The following ADCY2 variants were observed in gnomAD, a reference collection of about 807,000 sequenced individuals.
ADCY2 encodes adenylate cyclase type 2.
Under a neutral mutation model 125.2 loss-of-function variants are expected in ADCY2, and 31 were observed. The ratio of observed to expected loss-of-function variants is 0.25; its 90% CI spans 0.19 to 0.33. The LOEUF is 0.33. ADCY2 is among the 10% of genes least tolerant of loss of function. The pLI is 1.00. For synonymous variants in ADCY2, 512 were observed against 548.4 expected, an observed-to-expected ratio of 0.93 and a Z score of 0.93; for missense variants, 904 against 1,418.2, an observed-to-expected ratio of 0.64 and a Z score of 5.82.
intron 3 of ADCY2, among the ~76,000 whole-genome samples, chr5:7,528,736 A>G (rs1260730322): frequency 6.6e-6 from 1 of 152,220 alleles, no homozygotes; most frequent in Admixed American, 6.5e-5. Context: ...TTCACTTGGC[A>G]TCTTGGCAGT....
intron 2 of ADCY2, among the ~76,000 whole-genome samples, chr5:7,487,985 G>A (rs900902706): frequency 6.6e-6 from 1 of 152,036 alleles, no homozygotes; most frequent in African/African-American, 2.4e-5. Flanking sequence ...TTAATGTTTG[G>A]ATTCCTACTG....
intron 3 of ADCY2, among the ~76,000 whole-genome samples, chr5:7,546,162 G>T (rs537098977): frequency 1.3e-5 from 2 of 152,254 alleles, no homozygotes; most frequent in African/African-American, 4.8e-5. Flanking sequence ...ATGTTTTCTT[G>T]TGCGGATTCC....
chr5:7,446,540 A>C (rs578193256), intron 2 of ADCY2, among the ~76,000 whole-genome samples: 41 of 124,706 alleles, frequency 3.3e-4, no homozygotes, highest in Non-Finnish European at 5.8e-4. Flanking sequence ...TGAAATAAAT[A>C]CATACATACA....
At chr5:7,660,617 A>T (rs1315398036) in intron 4 of ADCY2, among the ~76,000 whole-genome samples, 1 of 152,220 alleles carries the variant, frequency 6.6e-6, no homozygotes, top group East Asian at 1.9e-4. Context: ...AAGGCTGGAG[A>T]CATAGGTAGA....
At chr5:7,598,135 T>C (rs1370202815) in intron 3 of ADCY2, among the ~76,000 whole-genome samples, 2 of 152,218 alleles carry the variant, frequency 1.3e-5, no homozygotes, top group African/African-American at 4.8e-5. Flanking sequence ...CAGCTTGGGC[T>C]GGACTGGGAG....
intron 8 of ADCY2, 94 bp from the exon 9 acceptor site, chr5:7,707,612 T>A: frequency 6.8e-7 from 1 of 1,463,158 alleles, no homozygotes; most frequent in Non-Finnish European, 9.3e-7. Flanking sequence ...AGAACTTTAG[T>A]GGATAAATTA....
intron 2 of ADCY2, among the ~76,000 whole-genome samples, chr5:7,482,072 T>A (rs1742751809): frequency 6.6e-6 from 1 of 152,112 alleles, no homozygotes; most frequent in African/African-American, 2.4e-5. Context: ...CTATGTGTAT[T>A]TTCCCTCCTG....
intron 5 of ADCY2, among the ~76,000 whole-genome samples, chr5:7,693,445 G>T (rs1382355368): frequency 2.4e-5 from 2 of 84,818 alleles, no homozygotes; most frequent in Non-Finnish European, 6.4e-5. Flanking sequence ...TTGAGACGGA[G>T]TCTCACTCTG....
chr5:7,735,514 G>T (rs567522653), intron 14 of ADCY2, among the ~76,000 whole-genome samples: 14 of 152,224 alleles, frequency 9.2e-5, no homozygotes, highest in African/African-American at 2.4e-4. Flanking sequence ...TTAATAGTTT[G>T]TTGAGTTTTT....
At chr5:7,792,573 G>A (rs1296488352) in intron 20 of ADCY2, among the ~76,000 whole-genome samples, 1 of 125,072 alleles carries the variant, frequency 8.0e-6, no homozygotes, top group Non-Finnish European at 1.5e-5. Flanking sequence ...CCTGTCTCAT[G>A]TCCTGACAGC....
intron 3 of ADCY2, among the ~76,000 whole-genome samples, chr5:7,599,247 G>A (rs781089438): frequency 2.6e-5 from 4 of 152,170 alleles, no homozygotes; most frequent in Non-Finnish European, 5.9e-5. Flanking sequence ...GGCAGTACGA[G>A]TTTTTTTGTG....
rs534819641 is a variant in ADCY2 at position 7,709,902 on chromosome 5, G to A, written c.1578+515G>A. Among the ~76,000 whole-genome samples, 4 of 152,208 alleles carry A rather than the reference G, an allele frequency of 2.6e-5. No homozygotes were observed. Among genetic ancestry groups the A allele is most frequent in the Admixed American group, 2.0e-4 (3 of 15,296 alleles). On this transcript the variant is annotated intron_variant, in intron 10 of 24. Coordinates refer to ENST00000338316, the MANE Select transcript of ADCY2 (RefSeq NM_020546.3). The surrounding 1 kb of genome is among the most constrained non-coding windows in gnomAD (Gnocchi z 4.4). ...AGCTCCTTACACCAGGGACATCTGC[G>A]ATAAGATGGCTGCAATGGAGAAGGA...
chr5:7,609,634 A>G (rs1279451521), intron 3 of ADCY2, among the ~76,000 whole-genome samples: 1 of 152,236 alleles, frequency 6.6e-6, no homozygotes, highest in Non-Finnish European at 1.5e-5. Flanking sequence ...TTGACCCTCA[A>G]GGAACATAGA....
intron 2 of ADCY2, among the ~76,000 whole-genome samples, chr5:7,422,400 T>C (rs1002904446): frequency 7.2e-5 from 11 of 152,188 alleles, no homozygotes; most frequent in African/African-American, 2.6e-4. Flanking sequence ...ATTACTGACT[T>C]AGGACCCTCC....
chr5:7,687,943 G>T (rs1210344354), intron 4 of ADCY2, among the ~76,000 whole-genome samples: 1 of 152,152 alleles, frequency 6.6e-6, no homozygotes, highest in African/African-American at 2.4e-5. Context: ...ATTTCATCTT[G>T]TCTCAGCCTT....
chr5:7,635,746 AG>A (rs1738477783), intron 4 of ADCY2, among the ~76,000 whole-genome samples: 1 of 152,206 alleles, frequency 6.6e-6, no homozygotes, highest in East Asian at 1.9e-4. Flanking sequence ...CAAACCTCAA[AG>A]CACACTAACA....
Position 7,709,011 on chromosome 5 carries a change from A to G in ADCY2, c.1402-200A>G, listed in dbSNP as rs550466484. ...TTTTTTCTAAGTCTCAATTACATGTATGTTTTGCTAGCTGAAAAAAGATTC... is the reference window on the plus strand; with the variant it reads ...TTTTTTCTAAGTCTCAATTACATGTGTGTTTTGCTAGCTGAAAAAAGATTC... On this transcript the variant is annotated intron_variant, in intron 9 of 24. Coordinates refer to ENST00000338316, the MANE Select transcript of ADCY2 (RefSeq NM_020546.3). This position sits in a 1 kb window ranked among gnomAD's most constrained non-coding sequence, Gnocchi z 4.4. Among the ~76,000 whole-genome samples the G allele has an allele frequency of 6.6e-6, 1 of 152,296 alleles. No homozygotes were observed. Among genetic ancestry groups the G allele is most frequent in the South Asian group, 2.1e-4 (1 of 4,820 alleles).
rs766340833 is a variant in ADCY2 at position 7,766,624 on chromosome 5, C to A, written c.2095-63C>A. ...GAACACAGAATTCATAAAGTTAGCA[C>A]CCACCTGCTAGTTATTTAATCTAAT... is the stretch of plus-strand genomic sequence containing the variant. On this transcript the variant is annotated intron_variant, in intron 16 of 24. Coordinates refer to ENST00000338316, the MANE Select transcript of ADCY2 (RefSeq NM_020546.3). The A allele has an allele frequency of 1.7e-5, 27 of 1,561,278 alleles. No homozygotes were observed. The Admixed American group carries it at 4.0e-4, about 23-fold the overall frequency.
rs73046389 is a variant in ADCY2, at chr5:7,538,507, T to C, written c.570+17608T>C. 3.1e-3 allele frequency among the ~76,000 whole-genome samples: 473 copies of C among 152,276 alleles called. 4 individuals carry two copies. The highest frequency in any genetic ancestry group is 0.01 in the African/African-American group (435 of 41,558). ...TCTCTGGCTTATTTTTTGTTTATTT[T>C]TCAGTAACACACACATTATCAGCCT... On this transcript the variant is annotated intron_variant, in intron 3 of 24. Transcript: ENST00000338316.
Sources: gnomAD v4.1 joint callset for allele counts (sites outside exome capture counted in the v4.1 genomes callset) on GRCh38, gnomAD v4.1.1 for gene constraint, Gnocchi (gnomAD v3.1) non-coding constraint, MANE v1.5 for transcripts, NCBI Gene and HGNC (gene_info 2026-07-23, HGNC 2026-07-21) for gene names.